Variants in PMM2 observed in about 807,000 individuals in gnomAD.
The protein encoded by PMM2 is phosphomannomutase 2, also known as mannose-6-phosphate isomerase.
Under a neutral mutation model 33.2 loss-of-function variants are expected in PMM2, and 35 were observed. The observed-to-expected ratio is 1.06, with a 90% CI of 0.81 to 1.40. The LOEUF (loss-of-function observed/expected upper bound fraction) is 1.40, where lower values mean the gene tolerates loss of function less well. PMM2 is among the 40% of genes most tolerant of loss of function. The pLI is 0.00. For missense variants in PMM2, 386 were observed against 306.0 expected, an observed-to-expected ratio of 1.26 and a Z score of -1.95; for synonymous variants, 153 against 114.7, an observed-to-expected ratio of 1.33 and a Z score of -2.13.
chr16:8,824,636 G>A (rs1047793002), intron 7 of PMM2, among the ~76,000 whole-genome samples: 1 of 151,538 alleles, frequency 6.6e-6, no homozygotes, highest in Non-Finnish European at 1.5e-5. Flanking sequence ...AGCCAAATAT[G>A]CCTCTTTTGG....
intron 7 of PMM2, among the ~76,000 whole-genome samples, chr16:8,838,195 TACAA>T (rs777103516): frequency 1.1e-4 from 17 of 152,030 alleles, no homozygotes; most frequent in South Asian, 2.1e-4. Flanking sequence ...TGGGGAGAAT[TACAA>T]AGAACCTTCT....
chr16:8,835,444 G>C (rs994683194), intron 7 of PMM2, among the ~76,000 whole-genome samples: 1 of 152,010 alleles, frequency 6.6e-6, no homozygotes, highest in African/African-American at 2.4e-5. Flanking sequence ...GGGTGTCAGG[G>C]TCATCTAACT....
At chr16:8,817,492 C>T (rs938864937) in intron 7 of PMM2, among the ~76,000 whole-genome samples, 7 of 152,122 alleles carry the variant, frequency 4.6e-5, no homozygotes, top group African/African-American at 1.7e-4. Context: ...ATGTAAATAG[C>T]CATTTAGAAG....
In PMM2 at chr16:8,847,899, T is replaced by G; in HGVS notation, c.*74T>G. On this transcript the variant is annotated 3_prime_UTR_variant, in exon 8 of 8. Transcript: ENST00000268261. The stretch of plus-strand genomic sequence containing the variant: ...ATTCGGTGGCCAGAGCCGAGGGTCC[T>G]CCCACACGTGCTCACCCACCCGCAG... The G allele has an allele frequency of 4.3e-6, 5 of 1,151,770 alleles. No homozygotes were observed. Among genetic ancestry groups the G allele is most frequent in the South Asian group, 3.7e-5 (3 of 80,936 alleles). 71.3% of individuals were successfully genotyped at this position (1,151,770 alleles called of 1,614,324 possible).
At chr16:8,815,605 G>A (rs1159772262) in intron 7 of PMM2, among the ~76,000 whole-genome samples, 1 of 152,080 alleles carries the variant, frequency 6.6e-6, no homozygotes, top group African/African-American at 2.4e-5. Context: ...TGGCCATTAT[G>A]AATAATGCTT....
intron 1 of PMM2, among the ~76,000 whole-genome samples, chr16:8,800,676 TTTTTTG>T (rs2060609176): frequency 6.7e-6 from 1 of 148,342 alleles, no homozygotes; most frequent in Non-Finnish European, 1.5e-5. Context: ...TTTTTTTTTT[TTTTTTG>T]TTTTGTTTTG....
chr16:8,822,080 A>C (rs1251543464), intron 7 of PMM2, among the ~76,000 whole-genome samples: 1 of 152,186 alleles, frequency 6.6e-6, no homozygotes, highest in Non-Finnish European at 1.5e-5. Flanking sequence ...ATTATTCCTC[A>C]AATCAGCCTC....
intron 2 of PMM2, among the ~76,000 whole-genome samples, chr16:8,802,832 G>GAAAA (rs35990619): frequency 1.4e-5 from 2 of 147,738 alleles, no homozygotes; most frequent in African/African-American, 5.0e-5. Flanking sequence ...CTCCGTCTTG[G>GAAAA]AAAAAAAAAA....
chr16:8,798,297 A>G (rs17747560), intron 1 of PMM2, among the ~76,000 whole-genome samples: 35,889 of 152,098 alleles, frequency 0.24, 4,542 homozygotes, highest in East Asian at 0.33. Context: ...GTCGGCCCCA[A>G]TCCTGTAACC....
chr16:8,846,714 T>A (rs1354914238), intron 7 of PMM2, among the ~76,000 whole-genome samples: 1 of 152,110 alleles, frequency 6.6e-6, no homozygotes, highest in African/African-American at 2.4e-5. Flanking sequence ...GCCACAGAGC[T>A]GTGAGCAAGC....
At chr16:8,823,409 G>C (rs372332902) in intron 7 of PMM2, among the ~76,000 whole-genome samples, 1 of 152,164 alleles carries the variant, frequency 6.6e-6, no homozygotes, top group Admixed American at 6.5e-5. Flanking sequence ...CAAAGGACAA[G>C]ACTAGAATCT....
At chr16:8,836,148 G>T (rs1316099850) in intron 7 of PMM2, among the ~76,000 whole-genome samples, 1 of 144,632 alleles carries the variant, frequency 6.9e-6, no homozygotes, top group Non-Finnish European at 1.5e-5. Flanking sequence ...CCCTTGAAAA[G>T]AAGGTAATGT....
Position 8,804,840 on chromosome 16 carries a change from A to T in PMM2, c.252A>T (p.Arg84Ser), listed in dbSNP as rs375826588. 12 of 1,598,502 alleles carry T rather than the reference A, an allele frequency of 7.5e-6. No individual in the cohort carries two copies. The highest frequency in any genetic ancestry group is 1.7e-5 in the Admixed American group (1 of 59,996). Residue 84 changes from arginine to serine, a missense_variant, in exon 3 of 8, where the codon AGA becomes AGT. Transcript: ENST00000268261. ...ACAAAGATGGGAAACTCTTGTGTAG[A>T]CAGGTAGGTTCTTGAGTATCTGAAT... Reference protein sequence around the residue: ...VAYKDGKLLCRQNIQSHLGEA... With the variant: ...VAYKDGKLLCSQNIQSHLGEA...
At chr16:8,813,204 A>G (rs1240766030) in intron 7 of PMM2, 98 bp downstream of exon 7, 1 of 818,888 alleles carries the variant, frequency 1.2e-6, no homozygotes, top group Non-Finnish European at 2.2e-6. Flanking sequence ...CACTTTACCC[A>G]CCCGCCCTGC....
intron 1 of PMM2, among the ~76,000 whole-genome samples, chr16:8,801,519 A>G (rs566220830): frequency 6.6e-6 from 1 of 152,272 alleles, no homozygotes; most frequent in African/African-American, 2.4e-5. Context: ...AAATATAAAA[A>G]AATTAGCCAG....
At chr16:8,838,261 A>G (rs967495548) in intron 7 of PMM2, among the ~76,000 whole-genome samples, 21 of 152,196 alleles carry the variant, frequency 1.4e-4, no homozygotes, top group Admixed American at 2.0e-4. Flanking sequence ...TGGGGCAGAA[A>G]CAAATCACAA....
intron 7 of PMM2, among the ~76,000 whole-genome samples, chr16:8,846,062 C>T (rs2060923804): frequency 6.6e-6 from 1 of 152,156 alleles, no homozygotes; most frequent in Admixed American, 6.5e-5. Flanking sequence ...TGTGTAAGGC[C>T]AGTACAAGGC....
intron 7 of PMM2, among the ~76,000 whole-genome samples, chr16:8,834,338 T>C (rs189559159): frequency 0.044 from 6,652 of 152,118 alleles, no homozygotes; most frequent in Middle Eastern, 0.12. Flanking sequence ...TTGGGTGATT[T>C]GACTAGTAAA....
Position 8,798,625 on chromosome 16 carries a change from C to T in PMM2, c.66+677C>T, listed in dbSNP as rs568403913. ...GAGATGGAGGAGCCCTAGGTTATTA[C>T]AGGCTGCCCGCTGAGAGCCTCTTTG... On this transcript the variant is annotated intron_variant, in intron 1 of 7. Transcript: ENST00000268261. Among the ~76,000 whole-genome samples, 13 of 152,328 alleles carry T rather than the reference C, an allele frequency of 8.5e-5. No homozygotes were observed. In the East Asian group the frequency reaches 2.5e-3, roughly 29 times the overall value.
Sources: allele counts gnomAD v4.1 joint callset (sites outside exome capture counted in the v4.1 genomes callset), GRCh38; gene constraint gnomAD v4.1.1; transcripts MANE v1.5; gene names NCBI Gene and HGNC (gene_info 2026-07-23, HGNC 2026-07-21).